ITGA11: variants seen among roughly 807,000 people sequenced by gnomAD.
ITGA11 encodes integrin subunit alpha 11, also known as integrin alpha-11.
ITGA11 carries 97 observed loss-of-function variants against 141.9 expected under a neutral mutation model. That is an observed-to-expected ratio of 0.68 (90% CI 0.58 to 0.81). The LOEUF (loss-of-function observed/expected upper bound fraction) is 0.81, where lower values mean the gene tolerates loss of function less well. Among genes scored for constraint, ITGA11 ranks in the 30% least tolerant of loss-of-function variants. The pLI, the probability that ITGA11 is intolerant of heterozygous loss-of-function variation, is 0.00. For missense variants in ITGA11, 1,387 were observed against 1,559.2 expected, an observed-to-expected ratio of 0.89 and a Z score of 1.86; for synonymous variants, 658 against 624.6, an observed-to-expected ratio of 1.05 and a Z score of -0.80.
At chr15:68,378,771 A>T (rs1051446709) in intron 2 of ITGA11, among the ~76,000 whole-genome samples, 1 of 152,242 alleles carries the variant, frequency 6.6e-6, no homozygotes, top group Non-Finnish European at 1.5e-5. Context: ...GGCTACCCTG[A>T]TGGCTGGACA....
intron 20 of ITGA11, among the ~76,000 whole-genome samples, chr15:68,319,586 G>A (rs1893720595): frequency 6.6e-6 from 1 of 152,226 alleles, no homozygotes; most frequent in African/African-American, 2.4e-5. Flanking sequence ...CAGCAGCTGG[G>A]AGTGATCAGA....
chr15:68,420,312 CCT>C (rs1359606511), intron 1 of ITGA11, among the ~76,000 whole-genome samples: 1 of 152,170 alleles, frequency 6.6e-6, no homozygotes, highest in African/African-American at 2.4e-5. Context: ...AGGCCATTCC[CCT>C]GTCTCCTTGT....
In ITGA11 at chr15:68,424,253, G is replaced by A. The variant is rs948905458; in HGVS notation, c.52+7762C>T. Among the ~76,000 whole-genome samples the A allele has an allele frequency of 2.6e-5, 4 of 152,216 alleles. 1 individual carries two copies. Among genetic ancestry groups the A allele is most frequent in the African/African-American group, 4.8e-5 (2 of 41,446 alleles). The stretch of plus-strand genomic sequence containing the variant: ...GCTGTGTCTCCAGCCCAACCCAGCT[G>A]TGAATCCTGTGGCACTGCAGGCTGG... On this transcript the variant is annotated intron_variant, in intron 1 of 29. Coordinates refer to ENST00000315757, the MANE Select transcript of ITGA11 (RefSeq NM_001004439.2).
chr15:68,335,321 A>T lies in ITGA11; in HGVS notation c.1425+376T>A, dbSNP rs1894312820. On this transcript the variant is annotated intron_variant, in intron 12 of 29. Transcript: ENST00000315757. The surrounding 1 kb of genome is among the most constrained non-coding windows in gnomAD (Gnocchi z 4.9). ...TCCCCTGTGCTGGAAGTGACTTGGG[A>T]TTGGAGCCCTGTTTTCACCACCAAT... Among the ~76,000 whole-genome samples the T allele has an allele frequency of 6.6e-6, 1 of 152,040 alleles. No individual in the cohort carries two copies. Among genetic ancestry groups the T allele is most frequent in the Non-Finnish European group, 1.5e-5 (1 of 68,010 alleles).
chr15:68,339,769 T>G, intron 10 of ITGA11, 125 bp from the exon 11 acceptor site: 1 of 1,048,620 alleles, frequency 9.5e-7, no homozygotes, highest in Non-Finnish European at 1.4e-6. Context: ...CTGGGTGCAT[T>G]ATTTAGCAAC....
At chr15:68,317,844 T>C (rs1031217224) in intron 20 of ITGA11, among the ~76,000 whole-genome samples, 1 of 152,218 alleles carries the variant, frequency 6.6e-6, no homozygotes, top group African/African-American at 2.4e-5. Context: ...TGGCTGTGTA[T>C]GTCTCTGGGC....
chr15:68,409,429 T>G (rs1264573316), intron 1 of ITGA11, among the ~76,000 whole-genome samples: 1 of 152,044 alleles, frequency 6.6e-6, no homozygotes, highest in Non-Finnish European at 1.5e-5. Flanking sequence ...ACCTGTTGGC[T>G]CCTCCTGCCT....
chr15:68,367,205 C>T (rs1378589647), intron 3 of ITGA11, among the ~76,000 whole-genome samples: 1 of 152,104 alleles, frequency 6.6e-6, no homozygotes, highest in African/African-American at 2.4e-5. Context: ...TCTCCTCCTC[C>T]CTCTGGAGAG....
chr15:68,355,265 A>G (rs114583264), intron 7 of ITGA11, among the ~76,000 whole-genome samples: 5,373 of 152,252 alleles, frequency 0.035, 333 homozygotes, highest in African/African-American at 0.12. Context: ...CCTTATGAGG[A>G]TGAGTAAGAC....
At position 68,302,246 on chromosome 15, in the gene ITGA11, T is replaced by C. The variant is rs976775727; in HGVS notation, c.*813A>G. 1 of 152,158 alleles carries C rather than the reference T, an allele frequency of 6.6e-6. No homozygotes were observed. Among genetic ancestry groups the C allele is most frequent in the Non-Finnish European group, 1.5e-5 (1 of 68,058 alleles). 9.4% of individuals were successfully genotyped at this position (152,158 alleles called of 1,614,324 possible). ...ACGTGGGAATGCACAGCCCCAGGGA[T>C]TGTGTCATCCACATGCTTCCCATGA... On this transcript the variant is annotated 3_prime_UTR_variant, in exon 30 of 30. Transcript: ENST00000315757.
chr15:68,412,487 A>T (rs748645800), intron 1 of ITGA11, among the ~76,000 whole-genome samples: 24 of 151,992 alleles, frequency 1.6e-4, no homozygotes, highest in Non-Finnish European at 3.2e-4. Context: ...CCCAACATGG[A>T]TTCTGGGCTC....
chr15:68,431,869 G>T, intron 1 of ITGA11, 146 bp downstream of exon 1: 1 of 494,348 alleles, frequency 2.0e-6, no homozygotes, highest in Middle Eastern at 3.1e-4. Context: ...ACTGGGGCCA[G>T]TCCCTGGGGG....
intron 28 of ITGA11, among the ~76,000 whole-genome samples, chr15:68,306,994 G>A (rs1595848724): frequency 1.3e-5 from 2 of 152,168 alleles, no homozygotes; most frequent in African/African-American, 4.8e-5. Flanking sequence ...ACTTCTCGTT[G>A]GGTCTCACAG....
intron 2 of ITGA11, among the ~76,000 whole-genome samples, chr15:68,392,323 C>G (rs933131041): frequency 5.9e-5 from 9 of 152,226 alleles, no homozygotes; most frequent in African/African-American, 2.2e-4. Flanking sequence ...GGACAGCAAT[C>G]AAGGCAGAGC....
Position 68,298,981 on chromosome 15 carries a change from C to T in ITGA11, c.*4078G>A, listed in dbSNP as rs906263078. On this transcript the variant is annotated 3_prime_UTR_variant, in exon 30 of 30. Coordinates refer to ENST00000315757, the MANE Select transcript of ITGA11 (RefSeq NM_001004439.2). Reference sequence around the variant, plus strand: ...CTTGAGCCCGGGAGGCAGAGGCTGCCGTGAGCTGTGATGGTGCCGCTGCAC... The same window carrying T: ...CTTGAGCCCGGGAGGCAGAGGCTGCTGTGAGCTGTGATGGTGCCGCTGCAC... 6.1e-5 allele frequency: 9 copies of T among 147,112 alleles called. No homozygotes were observed. Among genetic ancestry groups the T allele is most frequent in the African/African-American group, 2.3e-4 (9 of 39,896 alleles). 9.1% of individuals were successfully genotyped at this position (147,112 alleles called of 1,614,324 possible).
intron 2 of ITGA11, among the ~76,000 whole-genome samples, chr15:68,386,782 G>A (rs1474455986): frequency 2.0e-5 from 3 of 152,148 alleles, no homozygotes; most frequent in Non-Finnish European, 2.9e-5. Flanking sequence ...AGCCTTGGGA[G>A]TCTGCAGGCC....
intron 9 of ITGA11, among the ~76,000 whole-genome samples, chr15:68,349,669 C>T (rs1238768507): frequency 6.6e-6 from 1 of 152,148 alleles, no homozygotes; most frequent in Admixed American, 6.5e-5. Context: ...CTTTTATAAT[C>T]CTCCCATATG....
chr15:68,351,394 GC>G lies in ITGA11; in HGVS notation c.757del (p.Ala253LeufsTer13). ...TCCTTTCCTTCCACCCTTCTGGAAA[GC>G]CTCTGAGCTGGAAGCCAAGCACAGG... is the stretch of plus-strand genomic sequence containing the variant. ...AFGIEFARSE[A>X]FQKGGRKGAK... is the part of the protein sequence containing the mutation. On this transcript the variant is annotated frameshift_variant, in exon 8 of 30. Transcript: ENST00000315757. LOFTEE classifies it high-confidence loss of function. 6.2e-7 allele frequency: 1 copy of G among 1,613,872 alleles called. No homozygotes were observed. The highest frequency in any genetic ancestry group is 8.5e-7 in the Non-Finnish European group (1 of 1,179,872).
At position 68,303,854 on chromosome 15, in the gene ITGA11, C is replaced by T. The variant is rs1443299657; in HGVS notation, c.3413G>A (p.Trp1138Ter). Residue 1138 changes from tryptophan (W) to a stop codon, truncating the protein, a stop_gained, in exon 29 of 30, where the codon TGG (tryptophan) becomes TAG (stop). Coordinates refer to ENST00000315757, the MANE Select transcript of ITGA11 (RefSeq NM_001004439.2). LOFTEE classifies it high-confidence loss of function. This position sits in a 1 kb window ranked among gnomAD's most constrained non-coding sequence, Gnocchi z 5.3. ...TACAATGATCCAGATGGGGACCTGC[C>T]AGTCCTCTTGCTTGGAGATCTCAAA... is the stretch of plus-strand genomic sequence containing the variant. ...IVFEISKQED[W>*]QVPIWIIVGS... 1 of 1,612,802 alleles carries T rather than the reference C, an allele frequency of 6.2e-7. No homozygotes were observed.
Sources: gnomAD v4.1 joint callset for allele counts (sites outside exome capture counted in the v4.1 genomes callset) on GRCh38, gnomAD v4.1.1 for gene constraint, Gnocchi (gnomAD v3.1) non-coding constraint, MANE v1.5 for transcripts, NCBI Gene and HGNC (gene_info 2026-07-23, HGNC 2026-07-21) for gene names.